The following GUCY1A2 variants were observed in gnomAD, a reference collection of about 807,000 sequenced individuals.
GUCY1A2 encodes guanylate cyclase soluble subunit alpha-2.
A neutral mutation model predicts 63.5 loss-of-function variants in GUCY1A2; 27 were observed. That is an observed-to-expected ratio of 0.43 (90% CI 0.31 to 0.59). The LOEUF (loss-of-function observed/expected upper bound fraction) is 0.59. GUCY1A2 is among the 20% of genes least tolerant of loss of function. The pLI is 0.11. For synonymous variants in GUCY1A2, 364 were observed against 343.5 expected, an observed-to-expected ratio of 1.06 and a Z score of -0.66; for missense variants, 768 against 913.3, an observed-to-expected ratio of 0.84 and a Z score of 2.05.
chr11:106,777,932 G>T (rs996345417), intron 5 of GUCY1A2, among the ~76,000 whole-genome samples: 2 of 152,108 alleles, frequency 1.3e-5, no homozygotes, highest in Non-Finnish European at 2.9e-5. Flanking sequence ...AACAGCTACC[G>T]TAGGGGTCTT....
chr11:106,926,259 C>T (rs75910151), intron 4 of GUCY1A2, among the ~76,000 whole-genome samples: 3,330 of 151,954 alleles, frequency 0.022, 110 homozygotes, highest in African/African-American at 0.074. Flanking sequence ...GTATTCACTA[C>T]TACTACTAAT....
chr11:106,842,953 A>G (rs1443708913), intron 4 of GUCY1A2, among the ~76,000 whole-genome samples: 1 of 151,852 alleles, frequency 6.6e-6, no homozygotes, highest in African/African-American at 2.4e-5. Context: ...AAAGGGTAGG[A>G]CTCAAGAACT....
chr11:106,897,011 G>A (rs1860059688), intron 4 of GUCY1A2, among the ~76,000 whole-genome samples: 1 of 152,144 alleles, frequency 6.6e-6, no homozygotes, highest in Admixed American at 6.6e-5. Flanking sequence ...AAATTTCAGT[G>A]TATAGGGTTA....
intron 4 of GUCY1A2, among the ~76,000 whole-genome samples, chr11:106,916,486 A>G (rs895153777): frequency 1.5e-4 from 22 of 145,566 alleles, no homozygotes; most frequent in African/African-American, 4.4e-4. Context: ...AGACTCTCAA[A>G]TATCAGCAGT....
chr11:106,827,559 C>A (rs1858988560), intron 4 of GUCY1A2: 2 of 1,455,842 alleles, frequency 1.4e-6, no homozygotes, highest in Admixed American at 3.3e-5. Flanking sequence ...CTCCAGCACA[C>A]AGAGTTTCTT....
At chr11:106,797,996 T>C (rs1864798003) in intron 5 of GUCY1A2, among the ~76,000 whole-genome samples, 2 of 151,924 alleles carry the variant, frequency 1.3e-5, no homozygotes, top group Admixed American at 1.3e-4. Context: ...TTTGAAAAGA[T>C]TAACAAAATT....
intron 6 of GUCY1A2, among the ~76,000 whole-genome samples, chr11:106,752,004 C>T (rs1313023276): frequency 6.6e-6 from 1 of 152,132 alleles, no homozygotes; most frequent in Non-Finnish European, 1.5e-5. Context: ...GTTCTCACAG[C>T]CTAGTACATA....
intron 6 of GUCY1A2, among the ~76,000 whole-genome samples, chr11:106,771,641 A>G (rs1317902386): frequency 6.6e-6 from 1 of 151,890 alleles, no homozygotes; most frequent in Non-Finnish European, 1.5e-5. Context: ...GGTCCCAGCT[A>G]CTCCAGAGAC....
At chr11:106,960,233 T>TA (rs5794508) in intron 3 of GUCY1A2, among the ~76,000 whole-genome samples, 138,023 of 152,156 alleles carry the variant, frequency 0.91, 62,678 homozygotes, top group East Asian at 0.99. Flanking sequence ...TGTTTTGAAT[T>TA]TTTTTTTTAA....
chr11:106,824,241 G>A, intron 4 of GUCY1A2: 1 of 954,366 alleles, frequency 1.0e-6, no homozygotes, highest in Non-Finnish European at 1.4e-6. Flanking sequence ...AAAGCCTATG[G>A]GATGCTTTTC....
At chr11:106,827,633 G>T in intron 4 of GUCY1A2, 1 of 1,527,742 alleles carries the variant, frequency 6.5e-7, no homozygotes, top group South Asian at 1.1e-5. Context: ...GTTGCTTTAC[G>T]CCAGATTCTA....
chr11:106,926,937 A>G (rs1294072656), intron 4 of GUCY1A2, among the ~76,000 whole-genome samples: 1 of 150,426 alleles, frequency 6.6e-6, no homozygotes, highest in Non-Finnish European at 1.5e-5. Flanking sequence ...TCACCACTAA[A>G]TAACAGAAGG....
At chr11:106,808,226 T>C (rs1591285744) in intron 5 of GUCY1A2, among the ~76,000 whole-genome samples, 1 of 110,154 alleles carries the variant, frequency 9.1e-6, no homozygotes, top group Admixed American at 8.8e-5. Flanking sequence ...TAAACAAGTT[T>C]AGTTTAAGAA....
At chr11:106,806,085 A>G (rs893248114) in intron 5 of GUCY1A2, among the ~76,000 whole-genome samples, 2 of 152,124 alleles carry the variant, frequency 1.3e-5, no homozygotes, top group Non-Finnish European at 2.9e-5. Context: ...ATATATACAC[A>G]CACACACATA....
At chr11:106,860,741 C>T (rs1859500140) in intron 4 of GUCY1A2, among the ~76,000 whole-genome samples, 1 of 151,970 alleles carries the variant, frequency 6.6e-6, no homozygotes, top group African/African-American at 2.4e-5. Context: ...TAATGCAACT[C>T]CATATAAAGG....
intron 4 of GUCY1A2, among the ~76,000 whole-genome samples, chr11:106,881,974 A>G (rs545870356): frequency 1.2e-4 from 18 of 152,106 alleles, no homozygotes; most frequent in Admixed American, 2.0e-4. Flanking sequence ...CCAGACTATC[A>G]ATGGGCTATC....
chr11:106,905,519 T>A (rs544780256), intron 4 of GUCY1A2, among the ~76,000 whole-genome samples: 1 of 152,162 alleles, frequency 6.6e-6, no homozygotes, highest in African/African-American at 2.4e-5. Flanking sequence ...ACATGAAGGG[T>A]ACGCCTTCAA....
At chr11:106,955,685 TC>T (rs1860974903) in intron 3 of GUCY1A2, among the ~76,000 whole-genome samples, 1 of 152,226 alleles carries the variant, frequency 6.6e-6, no homozygotes, top group Non-Finnish European at 1.5e-5. Flanking sequence ...CTGATGGACT[TC>T]CCTTTGTAGG....
intron 4 of GUCY1A2, among the ~76,000 whole-genome samples, chr11:106,892,344 T>C (rs1441237768): frequency 6.6e-6 from 1 of 152,148 alleles, no homozygotes; most frequent in Admixed American, 6.6e-5. Context: ...TCTCTCATAT[T>C]CTGGGCCTGT....
Sources: allele counts gnomAD v4.1 joint callset (sites outside exome capture counted in the v4.1 genomes callset), GRCh38; gene constraint gnomAD v4.1.1; transcripts MANE v1.5; gene names NCBI Gene and HGNC (gene_info 2026-07-23, HGNC 2026-07-21).